The following LRRK1 variants were observed in gnomAD, a reference collection of about 807,000 sequenced individuals.
LRRK1 encodes the protein leucine rich repeat kinase 1.
In LRRK1, 113 loss-of-function variants were observed where a neutral mutation model predicts 209.1. The ratio of observed to expected loss-of-function variants is 0.54; its 90% CI spans 0.46 to 0.63. The LOEUF (loss-of-function observed/expected upper bound fraction) is 0.63. LRRK1 is among the 30% of genes least tolerant of loss of function. The pLI is 0.00. For synonymous variants in LRRK1, 1,144 were observed against 1,099.7 expected, an observed-to-expected ratio of 1.04 and a Z score of -0.80; for missense variants, 2,284 against 2,632.2, an observed-to-expected ratio of 0.87 and a Z score of 2.89.
At chr15:101,021,610 G>A in intron 13 of LRRK1, 3 of 538,862 alleles carry the variant, frequency 5.6e-6, no homozygotes, top group Non-Finnish European at 6.5e-6. Context: ...AGGAAAGTTG[G>A]GGGAGGGGAC....
chr15:100,927,334 C>T (rs544860037), intron 2 of LRRK1, among the ~76,000 whole-genome samples: 3 of 152,252 alleles, frequency 2.0e-5, no homozygotes, highest in African/African-American at 7.2e-5. Flanking sequence ...TCCCCAGCCC[C>T]CATGATTCTC....
intron 2 of LRRK1, among the ~76,000 whole-genome samples, chr15:100,950,042 A>G (rs911942631): frequency 1.3e-5 from 2 of 152,262 alleles, no homozygotes; most frequent in African/African-American, 2.4e-5. Flanking sequence ...AAAAGAAATG[A>G]AATCCAAATT....
rs761343909 is a variant in LRRK1 at position 101,024,854 on chromosome 15, G to A, written c.2119G>A (p.Ala707Thr). 1 of 1,614,138 alleles carries A rather than the reference G, an allele frequency of 6.2e-7. No individual in the cohort carries two copies. The highest frequency in any genetic ancestry group is 1.7e-5 in the Admixed American group (1 of 60,032). Reference sequence around the variant, plus strand: ...GGACATCGGGGGACCGGCCAGCATGGCCACTGTCAACCAGTGCTTCTTCAC... The same window carrying A: ...GGACATCGGGGGACCGGCCAGCATGACCACTGTCAACCAGTGCTTCTTCAC... Reference protein sequence around the residue: ...VWDIGGPASMATVNQCFFTDK... With the variant: ...VWDIGGPASMTTVNQCFFTDK... Residue 707 changes from alanine to threonine, a missense_variant, in exon 16 of 34, where the codon GCC (alanine) becomes ACC (threonine). Physicochemically the swap from Ala to Thr is moderately conservative, Grantham distance 58. Coordinates refer to ENST00000388948, the MANE Select transcript of LRRK1 (RefSeq NM_024652.6). This position sits in a 1 kb window ranked among gnomAD's most constrained non-coding sequence, Gnocchi z 4.6.
chr15:100,953,806 T>C (rs74924543), intron 2 of LRRK1, among the ~76,000 whole-genome samples: 10,907 of 152,218 alleles, frequency 0.072, 475 homozygotes, highest in African/African-American at 0.1. Flanking sequence ...CAACACTGTA[T>C]GAGTGTTCCC....
In LRRK1 at chr15:101,048,492, A is replaced by G. The variant is rs1230657148; in HGVS notation, c.3136-2A>G. On this transcript the variant is annotated splice_acceptor_variant, in intron 21 of 33. Transcript: ENST00000388948. LOFTEE classifies it high-confidence loss of function. Reference sequence around the variant, plus strand: ...AAGCAGGGTCTTTTCTCTGTCTTTCAGCTTTTTGAAAACAAGAAGAATACT... The same window carrying G: ...AAGCAGGGTCTTTTCTCTGTCTTTCGGCTTTTTGAAAACAAGAAGAATACT... 6.2e-7 allele frequency: 1 copy of G among 1,602,124 alleles called. No individual in the cohort carries two copies. Among genetic ancestry groups the G allele is most frequent in the Non-Finnish European group, 8.5e-7 (1 of 1,176,288 alleles).
chr15:101,015,658 G>T lies in LRRK1; in HGVS notation c.1609+256G>T, dbSNP rs904121495. 1.1e-4 allele frequency among the ~76,000 whole-genome samples: 16 copies of T among 142,556 alleles called. 1 individual carries two copies. The South Asian group carries it at 2.7e-3, about 24-fold the overall frequency. 93.5% of individuals were successfully genotyped at this position (142,556 alleles called of 152,430 possible). On this transcript the variant is annotated intron_variant, in intron 12 of 33. Coordinates refer to ENST00000388948, the MANE Select transcript of LRRK1 (RefSeq NM_024652.6). ...CCAGTGATGCCAGCAGCTAATATGT[G>T]CAGCTGATCTACACACCAGGCAGTG...
At chr15:100,962,499 C>T (rs949546951) in intron 2 of LRRK1, among the ~76,000 whole-genome samples, 5 of 152,012 alleles carry the variant, frequency 3.3e-5, no homozygotes, top group African/African-American at 1.2e-4. Context: ...CACTGCACTC[C>T]AGCCTGGGTG....
intron 7 of LRRK1, among the ~76,000 whole-genome samples, chr15:101,010,057 C>T (rs1229248622): frequency 6.6e-6 from 1 of 152,236 alleles, no homozygotes; most frequent in Admixed American, 6.5e-5. Context: ...GAAGCCTGCA[C>T]ACCAGAACTT....
chr15:101,008,480 G>T (rs1176019945), intron 6 of LRRK1, among the ~76,000 whole-genome samples: 9 of 152,202 alleles, frequency 5.9e-5, no homozygotes, highest in Admixed American at 5.9e-4. Flanking sequence ...GCGCCTGGAC[G>T]CTTCAGCGGT....
intron 3 of LRRK1, among the ~76,000 whole-genome samples, chr15:100,976,282 C>T (rs1348000535): frequency 6.6e-6 from 1 of 152,092 alleles, no homozygotes; most frequent in African/African-American, 2.4e-5. Context: ...GTGCACTCAC[C>T]TGTTCCTTTA....
chr15:101,041,835 C>G (rs1188584785), intron 20 of LRRK1, among the ~76,000 whole-genome samples: 1 of 152,034 alleles, frequency 6.6e-6, no homozygotes, highest in Admixed American at 6.6e-5. Flanking sequence ...AATTGTAAAC[C>G]AGTAAGTGAT....
intron 3 of LRRK1, among the ~76,000 whole-genome samples, chr15:100,975,501 G>T (rs1369162327): frequency 6.6e-6 from 1 of 152,220 alleles, no homozygotes; most frequent in East Asian, 1.9e-4. Flanking sequence ...TGGCATCATG[G>T]ACAGTGGCAA....
Position 101,076,192 on chromosome 15 carries a change from G to T in LRRK1, c.*7344G>T, listed in dbSNP as rs1033134547. ...CCTAGCCCTCATGTCTCTGTGCAGC[G>T]GCTGCTGCCACCCTAATACTTTTAG... On this transcript the variant is annotated 3_prime_UTR_variant, in exon 34 of 34. Transcript: ENST00000388948. 2 of 152,118 alleles carry T rather than the reference G, an allele frequency of 1.3e-5. No individual in the cohort carries two copies. Among genetic ancestry groups the T allele is most frequent in the African/African-American group, 2.4e-5 (1 of 41,420 alleles). 9.4% of individuals were successfully genotyped at this position (152,118 alleles called of 1,614,324 possible).
Position 101,022,412 on chromosome 15 carries a change from G to C in LRRK1, c.1882G>C (p.Ala628Pro). 6.2e-7 allele frequency: 1 copy of C among 1,614,252 alleles called. No homozygotes were observed. Among genetic ancestry groups the C allele is most frequent in the Non-Finnish European group, 8.5e-7 (1 of 1,180,050 alleles). Residue 628 changes from alanine to proline, a missense_variant, in exon 15 of 34, where the codon GCT becomes CCT. Around this residue, in one of 6 missense-constraint regions of LRRK1, gnomAD observed 494 missense variants for 522.1 expected, o/e 0.95. Transcript: ENST00000388948. This position sits in a 1 kb window ranked among gnomAD's most constrained non-coding sequence, Gnocchi z 4.0. ...GPKAMLSYLR[A>P]QLRKAEKCKL... ...CAAAGCAATGCTGTCTTACCTGCGT[G>C]CTCAGCTGCGGAAAGCGGAAAAGTG...
chr15:101,007,927 G>C (rs2033038119), intron 6 of LRRK1, among the ~76,000 whole-genome samples: 1 of 152,068 alleles, frequency 6.6e-6, no homozygotes, highest in Non-Finnish European at 1.5e-5. Flanking sequence ...AAGGTGGGTG[G>C]ATTGCCCGAG....
Position 101,061,302 on chromosome 15 carries a change from G to A in LRRK1, c.4797+14G>A, listed in dbSNP as rs375040996. ...ACAGCCACCGAGGTAAGCACTGCCC[G>A]CAGGCCTGCCCACCGAGGTAAGCAC... is the stretch of plus-strand genomic sequence containing the variant. On this transcript the variant is annotated intron_variant, in intron 30 of 33. Coordinates refer to ENST00000388948, the MANE Select transcript of LRRK1 (RefSeq NM_024652.6). 112 of 1,582,104 alleles carry A rather than the reference G, an allele frequency of 7.1e-5. No homozygotes were observed. The highest frequency in any genetic ancestry group is 2.4e-4 in the African/African-American group (18 of 74,262).
intron 2 of LRRK1, among the ~76,000 whole-genome samples, chr15:100,972,934 A>ACACACACACACC (rs11472046): frequency 1.8e-3 from 273 of 151,642 alleles, no homozygotes; most frequent in Non-Finnish European, 2.4e-3. Flanking sequence ...ACACACACAC[A>ACACACACACACC]CACCCAGTTT....
Position 100,924,627 on chromosome 15 carries a change from G to A in LRRK1, c.-6G>A. ...TGCCTTTGAAGATCGGCTGCTGCAA[G>A]GGTTGATGGCTGGCATGTCGCAAAG... On this transcript the variant is annotated 5_prime_UTR_variant, in exon 2 of 34. Transcript: ENST00000388948. 1 of 1,614,024 alleles carries A rather than the reference G, an allele frequency of 6.2e-7. No homozygotes were observed. The highest frequency in any genetic ancestry group is 1.1e-5 in the South Asian group (1 of 91,064).
intron 2 of LRRK1, among the ~76,000 whole-genome samples, chr15:100,962,031 A>G (rs957235861): frequency 3.3e-5 from 5 of 152,214 alleles, no homozygotes; most frequent in Non-Finnish European, 1.5e-5. Context: ...TTCTAGAGCA[A>G]CTGAGTCAAG....
Sources: allele counts gnomAD v4.1 joint callset (sites outside exome capture counted in the v4.1 genomes callset), GRCh38; gene constraint gnomAD v4.1.1; regional missense constraint gnomAD v4.1.1; non-coding constraint Gnocchi (gnomAD v3.1); transcripts MANE v1.5; gene names NCBI Gene and HGNC (gene_info 2026-07-23, HGNC 2026-07-21).